The following SHPK variants were observed in gnomAD, a reference collection of about 807,000 sequenced individuals.
SHPK encodes sedoheptulokinase.
Under a neutral mutation model 46.3 loss-of-function variants are expected in SHPK, and 51 were observed. The observed-to-expected ratio is 1.10, with a 90% CI of 0.88 to 1.39. The LOEUF (loss-of-function observed/expected upper bound fraction) is 1.39. Ranked by LOEUF, SHPK falls within the 40% of genes most tolerant of loss-of-function variation. SHPK has a pLI of 0.00. For synonymous variants in SHPK, 290 were observed against 273.9 expected, an observed-to-expected ratio of 1.06 and a Z score of -0.58; for missense variants, 668 against 641.3, an observed-to-expected ratio of 1.04 and a Z score of -0.45.
rs1367302836 is a variant in SHPK at position 3,608,717 on chromosome 17, G to T, written c.*1843C>A. 3 of 152,176 alleles carry T rather than the reference G, an allele frequency of 2.0e-5. No homozygotes were observed. The highest frequency in any genetic ancestry group is 7.2e-5 in the African/African-American group (3 of 41,462). 9.4% of individuals were successfully genotyped at this position (152,176 alleles called of 1,614,324 possible). A position where few individuals can be genotyped will look rare whatever the true frequency, so the allele number is the denominator to read the frequency against. ...ACTACTGTGGACAGCTTTCCTGGGT[G>T]ATTGGGAGACGTTTTTCTGGTAGAA... On this transcript the variant is annotated 3_prime_UTR_variant, in exon 7 of 7. Coordinates refer to ENST00000225519, the MANE Select transcript of SHPK (RefSeq NM_013276.4).
chr17:3,614,577 G>A (rs1247283354), intron 6 of SHPK, among the ~76,000 whole-genome samples: 4 of 151,814 alleles, frequency 2.6e-5, no homozygotes, highest in Admixed American at 2.6e-4. Flanking sequence ...GCCAGGCACA[G>A]TGGCTCATGC....
intron 2 of SHPK, among the ~76,000 whole-genome samples, chr17:3,626,001 T>A (rs573833035): frequency 6.6e-6 from 1 of 152,052 alleles, no homozygotes; most frequent in Non-Finnish European, 1.5e-5. Context: ...TGCAGTGAGC[T>A]GAGATCGCAC....
In SHPK at chr17:3,636,082, C is replaced by T. The variant is rs2075523322; in HGVS notation, c.138G>A (p.Ala46=). ...ASCARAARAE[A]AVESAVAGPQ... ...GCCCGGCCACCGCGCTCTCGACCGCCGCCTCTGCCCGCGCAGCACGGGCAC... is the reference window on the plus strand; with the variant it reads ...GCCCGGCCACCGCGCTCTCGACCGCTGCCTCTGCCCGCGCAGCACGGGCAC... Residue 46 remains alanine (A), a synonymous_variant, in exon 1 of 7, where the codon GCG becomes GCA. Coordinates refer to ENST00000225519, the MANE Select transcript of SHPK (RefSeq NM_013276.4). 1.3e-6 allele frequency: 2 copies of T among 1,593,566 alleles called. No homozygotes were observed. Among genetic ancestry groups the T allele is most frequent in the Non-Finnish European group, 1.7e-6 (2 of 1,171,470 alleles).
intron 1 of SHPK, among the ~76,000 whole-genome samples, chr17:3,634,132 G>A (rs1020752358): frequency 4.7e-5 from 7 of 149,150 alleles, no homozygotes; most frequent in African/African-American, 1.7e-4. Flanking sequence ...AAACACTGCG[G>A]AAGGCCGCAG....
chr17:3,619,939 G>A (rs564920086), intron 5 of SHPK: 11 of 191,834 alleles, frequency 5.7e-5, no homozygotes, highest in East Asian at 3.4e-4. Context: ...ACGTTCTCAC[G>A]TTTTTAAATG....
rs35091524 is a variant in SHPK at position 3,610,760 on chromosome 17, T to G, written c.1237A>C (p.Met413Leu). Residue 413 changes from methionine to leucine, a missense_variant, in exon 7 of 7, where the codon ATG becomes CTG. Coordinates refer to ENST00000225519, the MANE Select transcript of SHPK (RefSeq NM_013276.4). ...CRGIVQNLHS[M>L]LPIQQLQEWG... The stretch of plus-strand genomic sequence containing the variant: ...TCCTGGAGCTGCTGAATCGGAAGCA[T>G]GGAGTGCAGGTTCTGAACAATGCCT... 4 of 1,613,938 alleles carry G rather than the reference T, an allele frequency of 2.5e-6. No homozygotes were observed. Among genetic ancestry groups the G allele is most frequent in the Non-Finnish European group, 3.4e-6 (4 of 1,179,972 alleles).
At position 3,631,725 on chromosome 17, in the gene SHPK, G is replaced by A. The variant is rs572939519; in HGVS notation, c.169-1379C>T. Among the ~76,000 whole-genome samples, 5 of 151,516 alleles carry A rather than the reference G, an allele frequency of 3.3e-5. No homozygotes were observed. In the East Asian group the frequency reaches 7.8e-4, roughly 24 times the overall value. ...TTTAGTAGAGACGGGGTTTCGCCACGTTGGCCAGGCTGGTCTCAAACTCCT... is the reference window on the plus strand; with the variant it reads ...TTTAGTAGAGACGGGGTTTCGCCACATTGGCCAGGCTGGTCTCAAACTCCT... On this transcript the variant is annotated intron_variant, in intron 1 of 6. Coordinates refer to ENST00000225519, the MANE Select transcript of SHPK (RefSeq NM_013276.4).
At chr17:3,625,607 C>G (rs756513010) in intron 2 of SHPK, among the ~76,000 whole-genome samples, 2 of 152,166 alleles carry the variant, frequency 1.3e-5, no homozygotes, top group Admixed American at 1.3e-4. Context: ...CAGTTGAACA[C>G]TAACAAGCAA....
chr17:3,621,354 C>T lies in SHPK; in HGVS notation c.706G>A (p.Val236Met). The T allele has an allele frequency of 6.2e-7, 1 of 1,614,188 alleles. No homozygotes were observed. The highest frequency in any genetic ancestry group is 8.5e-7 in the Non-Finnish European group (1 of 1,180,016). ...CACATGTGGGAAGTTCTGCCCGCCA[C>T]ACTGCCAGGCTCGGCGATGTCTGGG... ...LLPDIAEPGS[V>M]AGRTSHMWFE... The change falls in exon 5 of 7, where the codon GTG (valine) becomes ATG (methionine). Residue 236 changes from valine (V) to methionine (M), a missense_variant. By Grantham distance (21) the Val-to-Met change is conservative (BLOSUM62 1). Coordinates refer to ENST00000225519, the MANE Select transcript of SHPK (RefSeq NM_013276.4).
intron 6 of SHPK, among the ~76,000 whole-genome samples, chr17:3,611,929 A>G (rs1225726948): frequency 1.4e-5 from 2 of 147,726 alleles, no homozygotes; most frequent in Non-Finnish European, 3.0e-5. Context: ...TCAGCCTCCC[A>G]GGTAGCTGGG....
chr17:3,636,141 CG>C lies in SHPK; in HGVS notation c.78del (p.Asp27ThrfsTer36). ...SVKAALLRAA[P>X]DDPSGFAVLA... ...AGCACTGCGAACCCGGATGGGTCGT[CG>C]GGCGCGGCCCTCAGCAGAGCTGCCT... On this transcript the variant is annotated frameshift_variant, in exon 1 of 7. Transcript: ENST00000225519. LOFTEE classifies it high-confidence loss of function. 3 of 1,611,802 alleles carry C rather than the reference CG, an allele frequency of 1.9e-6. No individual in the cohort carries two copies. The highest frequency in any genetic ancestry group is 2.5e-6 in the Non-Finnish European group (3 of 1,179,018).
Position 3,615,156 on chromosome 17 carries a change from C to A in SHPK, c.1024+181G>T, listed in dbSNP as rs571516429. On this transcript the variant is annotated intron_variant, in intron 6 of 6. Transcript: ENST00000225519. Reference sequence around the variant, plus strand: ...GAGTAGGTGATGGCAGCTTGGAGGACAAGAAGAAAAGAGGCTGCAAGCTCA... The same window carrying A: ...GAGTAGGTGATGGCAGCTTGGAGGAAAAGAAGAAAAGAGGCTGCAAGCTCA... 2.6e-5 allele frequency among the ~76,000 whole-genome samples: 4 copies of A among 152,174 alleles called. No individual in the cohort carries two copies. In the East Asian group the frequency reaches 7.7e-4, roughly 29 times the overall value.
intron 5 of SHPK, among the ~76,000 whole-genome samples, chr17:3,616,876 T>A (rs1269806957): frequency 6.6e-6 from 1 of 152,200 alleles, no homozygotes; most frequent in East Asian, 1.9e-4. Context: ...TAGCTGGGAT[T>A]ACAGGCATGC....
intron 5 of SHPK, among the ~76,000 whole-genome samples, chr17:3,620,806 G>A (rs536933808): frequency 4.6e-5 from 7 of 152,076 alleles, no homozygotes; most frequent in East Asian, 3.9e-4. Context: ...TGATCCGCCT[G>A]CCTCGGCCTC....
intron 2 of SHPK, among the ~76,000 whole-genome samples, chr17:3,626,014 C>T (rs1221018019): frequency 1.3e-5 from 2 of 152,088 alleles, no homozygotes; most frequent in Non-Finnish European, 2.9e-5. Context: ...GATCGCACCA[C>T]TGCACTCCAG....
intron 5 of SHPK, among the ~76,000 whole-genome samples, chr17:3,620,712 C>G (rs2075395334): frequency 6.6e-6 from 1 of 152,074 alleles, no homozygotes. Flanking sequence ...AGGCACCCAC[C>G]ACCACACCTG....
chr17:3,612,031 C>T (rs2075343098), intron 6 of SHPK, among the ~76,000 whole-genome samples: 1 of 151,542 alleles, frequency 6.6e-6, no homozygotes, highest in Non-Finnish European at 1.5e-5. Context: ...CTCAAGCTCT[C>T]GACCTCAAGT....
At chr17:3,631,513 T>C (rs958396398) in intron 1 of SHPK, among the ~76,000 whole-genome samples, 4 of 46,016 alleles carry the variant, frequency 8.7e-5, no homozygotes, top group Non-Finnish European at 1.9e-4. Flanking sequence ...AATTTAATGC[T>C]TTTTTTTTTT....
chr17:3,621,179 G>A, intron 5 of SHPK, 58 bp downstream of exon 5: 2 of 1,426,808 alleles, frequency 1.4e-6, no homozygotes, highest in Non-Finnish European at 1.9e-6. Flanking sequence ...GCACAGAGCT[G>A]GTGCTTATGA....
Sources: allele counts gnomAD v4.1 joint callset (sites outside exome capture counted in the v4.1 genomes callset), GRCh38; gene constraint gnomAD v4.1.1; transcripts MANE v1.5; gene names NCBI Gene and HGNC (gene_info 2026-07-23, HGNC 2026-07-21).